PDGFRL: variants seen among roughly 807,000 people sequenced by gnomAD.
PDGFRL encodes the protein platelet-derived growth factor receptor-like protein.
A neutral mutation model predicts 37.2 loss-of-function variants in PDGFRL; 46 were observed. The observed-to-expected ratio is 1.24, with a 90% CI of 0.98 to 1.58. The LOEUF (loss-of-function observed/expected upper bound fraction) is 1.58, where lower values mean the gene tolerates loss of function less well. Ranked by LOEUF, PDGFRL falls within the 40% of genes most tolerant of loss-of-function variation. PDGFRL has a pLI of 0.00. For synonymous variants in PDGFRL, 251 were observed against 184.3 expected (o/e 1.36, Z -2.93); for missense variants, 692 against 467.6 (o/e 1.48, Z -4.43).
At chr8:17,580,589 T>C (rs1803685451) in intron 1 of PDGFRL, among the ~76,000 whole-genome samples, 2 of 152,016 alleles carry the variant, frequency 1.3e-5, no homozygotes, top group Non-Finnish European at 1.5e-5. Flanking sequence ...TGGTGCTCAA[T>C]GAAGGGAGAG....
chr8:17,614,176 A>G (rs1804478020), intron 2 of PDGFRL, among the ~76,000 whole-genome samples: 1 of 152,254 alleles, frequency 6.6e-6, no homozygotes, highest in South Asian at 2.1e-4. Flanking sequence ...ATAGAGGAAT[A>G]GAGCTATTCC....
intron 3 of PDGFRL, among the ~76,000 whole-genome samples, chr8:17,624,674 C>A (rs545663629): frequency 1.3e-5 from 2 of 152,148 alleles, no homozygotes; most frequent in African/African-American, 4.8e-5. Flanking sequence ...TTTGGGAAGC[C>A]GAGGCAGGCG....
chr8:17,635,078 A>G (rs1293978929), intron 5 of PDGFRL, among the ~76,000 whole-genome samples: 1 of 152,128 alleles, frequency 6.6e-6, no homozygotes, highest in Non-Finnish European at 1.5e-5. Context: ...TGGGCCAACT[A>G]GAGTCTAATC....
At chr8:17,620,821 A>G (rs559459348) in intron 2 of PDGFRL, among the ~76,000 whole-genome samples, 2 of 151,466 alleles carry the variant, frequency 1.3e-5, no homozygotes, top group East Asian at 3.9e-4. Context: ...AAAGGTAAAA[A>G]TGTCATTTTT....
chr8:17,583,784 C>T (rs1057026672), intron 1 of PDGFRL, among the ~76,000 whole-genome samples: 10 of 152,062 alleles, frequency 6.6e-5, no homozygotes, highest in African/African-American at 1.7e-4. Context: ...AGGCTTGCAC[C>T]TCCCCTCTCT....
chr8:17,592,979 A>T (rs574534367), intron 2 of PDGFRL, among the ~76,000 whole-genome samples: 2 of 152,184 alleles, frequency 1.3e-5, no homozygotes, highest in African/African-American at 2.4e-5. Flanking sequence ...TTGAGAGTAA[A>T]TAAAAATAGA....
chr8:17,581,908 C>A (rs372962874), intron 1 of PDGFRL, among the ~76,000 whole-genome samples: 193 of 152,166 alleles, frequency 1.3e-3, no homozygotes, highest in African/African-American at 4.5e-3. Context: ...TGGGATATTG[C>A]TATAAAGATA....
chr8:17,589,107 G>A (rs1803876912), intron 1 of PDGFRL, among the ~76,000 whole-genome samples: 2 of 152,158 alleles, frequency 1.3e-5, no homozygotes, highest in Non-Finnish European at 2.9e-5. Context: ...GCTGGGCATG[G>A]TGGCTCACTC....
intron 2 of PDGFRL, among the ~76,000 whole-genome samples, chr8:17,619,940 C>G (rs1804598847): frequency 6.6e-6 from 1 of 152,126 alleles, no homozygotes; most frequent in African/African-American, 2.4e-5. Context: ...CTCTGCTTCC[C>G]CCACACACCC....
intron 2 of PDGFRL, among the ~76,000 whole-genome samples, chr8:17,604,655 C>T (rs986983006): frequency 4.6e-5 from 7 of 152,126 alleles, no homozygotes; most frequent in Admixed American, 4.6e-4. Context: ...TTAATGGGTG[C>T]AGCATACCAG....
rs577347057 is a variant in PDGFRL, at chr8:17,636,932, T to C, written c.939+2719T>C. Reference sequence around the variant, plus strand: ...TCTCAGCTTGGTTGCTGTTGGTTTATAGCAGAGCTACTGATTTGTTTACAT... The same window carrying C: ...TCTCAGCTTGGTTGCTGTTGGTTTACAGCAGAGCTACTGATTTGTTTACAT... On this transcript the variant is annotated intron_variant, in intron 5 of 5. Coordinates refer to ENST00000251630, the MANE Select transcript of PDGFRL (RefSeq NM_001372073.1). 2.8e-4 allele frequency among the ~76,000 whole-genome samples: 43 copies of C among 152,338 alleles called. 1 individual carries two copies. Among genetic ancestry groups the C allele is most frequent in the Non-Finnish European group, 1.3e-4 (9 of 68,024 alleles).
At chr8:17,632,232 C>CA (rs1475926736) in intron 4 of PDGFRL, among the ~76,000 whole-genome samples, 1 of 151,954 alleles carries the variant, frequency 6.6e-6, no homozygotes, top group Non-Finnish European at 1.5e-5. Flanking sequence ...ATCCTCACTG[C>CA]AAAAAAGGGA....
At position 17,621,076 on chromosome 8, in the gene PDGFRL, C is replaced by A. The variant is rs758563094; in HGVS notation, c.379C>A (p.Gln127Lys). The A allele has an allele frequency of 3.7e-6, 6 of 1,609,724 alleles. No homozygotes were observed. In the South Asian group the frequency reaches 6.6e-5, roughly 18 times the overall value. ...CGTCAAGCAGAATGAGCGCTACGGCCAGTTGACTCTGGTCAACTCCACCTC... is the reference window on the plus strand; with the variant it reads ...CGTCAAGCAGAATGAGCGCTACGGCAAGTTGACTCTGGTCAACTCCACCTC... ...LSVKQNERYG[Q>K]LTLVNSTSAD... The change falls in exon 3 of 6, where the codon CAG becomes AAG. Residue 127 changes from glutamine (Q) to lysine (K), a missense_variant. Physicochemically the swap from Gln to Lys is moderately conservative, Grantham distance 53. Transcript: ENST00000251630.
Position 17,589,502 on chromosome 8 carries a change from A to G in PDGFRL, c.90A>G (p.Pro30=). Residue 30 remains proline, a synonymous_variant, in exon 2 of 6, where the codon CCA becomes CCG. Transcript: ENST00000251630. ...AACACCTTCCCAAGAACAAGCGTCC[A>G]AAAGAACCAGGAGAGAATAGAATCA... The part of the protein sequence containing the change: ...TGQHLPKNKR[P]KEPGENRIKP... The G allele has an allele frequency of 6.2e-7, 1 of 1,613,942 alleles. No individual in the cohort carries two copies. Among genetic ancestry groups the G allele is most frequent in the Non-Finnish European group, 8.5e-7 (1 of 1,179,876 alleles).
At chr8:17,586,405 C>T (rs1467526727) in intron 1 of PDGFRL, among the ~76,000 whole-genome samples, 1 of 152,144 alleles carries the variant, frequency 6.6e-6, no homozygotes, top group East Asian at 1.9e-4. Context: ...AACAAAGAAT[C>T]TCATGGTGCA....
chr8:17,626,628 A>C (rs2237836), intron 3 of PDGFRL, among the ~76,000 whole-genome samples: 54,397 of 152,064 alleles, frequency 0.36, 11,296 homozygotes, highest in Non-Finnish European at 0.48. Context: ...ACAAGAAAGC[A>C]TGTAATACGT....
intron 2 of PDGFRL, among the ~76,000 whole-genome samples, chr8:17,606,729 C>T (rs913835073): frequency 2.0e-5 from 3 of 151,926 alleles, no homozygotes; most frequent in Admixed American, 6.6e-5. Flanking sequence ...AATAATAGAA[C>T]GAGGCTCATT....
intron 2 of PDGFRL, among the ~76,000 whole-genome samples, chr8:17,620,579 A>G (rs112381068): frequency 0.015 from 2,218 of 152,312 alleles, 27 homozygotes; most frequent in East Asian, 0.076. Context: ...TAGGGTTCAC[A>G]TCTTGTATTG....
At chr8:17,638,485 G>A (rs1001528973) in intron 5 of PDGFRL, among the ~76,000 whole-genome samples, 26 of 151,832 alleles carry the variant, frequency 1.7e-4, no homozygotes, top group African/African-American at 6.0e-4. Flanking sequence ...CTTGGAGAAT[G>A]TTCCATGTGC....
Sources: allele counts gnomAD v4.1 joint callset (sites outside exome capture counted in the v4.1 genomes callset), GRCh38; gene constraint gnomAD v4.1.1; transcripts MANE v1.5; gene names NCBI Gene and HGNC (gene_info 2026-07-23, HGNC 2026-07-21).